Variants in ZMAT4 observed in about 807,000 individuals in gnomAD.
ZMAT4 encodes zinc finger matrin-type 4, also known as zinc finger matrin-type protein 4.
Under a neutral mutation model 28.7 loss-of-function variants are expected in ZMAT4, and 17 were observed. That is an observed-to-expected ratio of 0.59 (90% CI 0.41 to 0.89). The LOEUF is 0.89. Among genes scored for constraint, ZMAT4 ranks in the 40% least tolerant of loss-of-function variants. ZMAT4 has a pLI of 0.00. For missense variants in ZMAT4, 240 were observed against 283.8 expected (o/e 0.85, Z 1.11); for synonymous variants, 117 against 109.2 (o/e 1.07, Z -0.44).
chr8:40,588,927 A>T (rs897328015), intron 5 of ZMAT4, among the ~76,000 whole-genome samples: 4 of 152,204 alleles, frequency 2.6e-5, no homozygotes, highest in Non-Finnish European at 5.9e-5. Context: ...CACTCAAAGA[A>T]ATATTTACAT....
chr8:40,824,691 TAAAGAAAGAAAGA>T (rs904434959), intron 2 of ZMAT4, among the ~76,000 whole-genome samples: 1 of 61,380 alleles, frequency 1.6e-5, no homozygotes, highest in Non-Finnish European at 3.6e-5. Flanking sequence ...CAAAGAAAAA[TAAAGAAAGAAAGA>T]AAAGAAAGAA....
intron 2 of ZMAT4, among the ~76,000 whole-genome samples, chr8:40,801,351 A>AATATATATATATATATATATATATAT (rs1554559737): frequency 1.0e-5 from 1 of 97,260 alleles, no homozygotes; most frequent in African/African-American, 3.7e-5. Context: ...TAAAAAAAAA[A>AATATATATATATATATATATATATAT]ATATATATAT....
chr8:40,734,369 G>A lies in ZMAT4; in HGVS notation c.192+33272C>T, dbSNP rs146285225. Reference sequence around the variant, plus strand: ...TTTTAAGATGCAGTGTGTGAAATATGTAATGTATCATCGGCACCTGCGTGT... The same window carrying A: ...TTTTAAGATGCAGTGTGTGAAATATATAATGTATCATCGGCACCTGCGTGT... On this transcript the variant is annotated intron_variant, in intron 3 of 6. Coordinates refer to ENST00000297737, the MANE Select transcript of ZMAT4 (RefSeq NM_024645.3). Among the ~76,000 whole-genome samples, 83 of 152,302 alleles carry A rather than the reference G, an allele frequency of 5.4e-4. No individual in the cohort carries two copies. In the East Asian group the frequency reaches 0.016, roughly 29 times the overall value.
intron 4 of ZMAT4, among the ~76,000 whole-genome samples, chr8:40,686,267 C>T (rs1809402734): frequency 6.6e-6 from 1 of 151,968 alleles, no homozygotes. Flanking sequence ...GTAATCCCAG[C>T]ACTTTGGGAG....
Position 40,584,754 on chromosome 8 carries a change from C to T in ZMAT4, c.578-3493G>A, listed in dbSNP as rs1187471102. Among the ~76,000 whole-genome samples, 5 of 152,142 alleles carry T rather than the reference C, an allele frequency of 3.3e-5. No individual in the cohort carries two copies. In the East Asian group the frequency reaches 9.6e-4, roughly 29 times the overall value. On this transcript the variant is annotated intron_variant, in intron 5 of 6. Transcript: ENST00000297737. ...GTTCAAGCAATTCTCCTGCCTCAGC[C>T]TCCCAAGTAGCTGGGATTACAGGCA...
intron 2 of ZMAT4, among the ~76,000 whole-genome samples, chr8:40,816,278 AT>A (rs1815533679): frequency 6.6e-6 from 1 of 152,146 alleles, no homozygotes; most frequent in Non-Finnish European, 1.5e-5. Flanking sequence ...TACCAGTTGG[AT>A]TTTGATACTC....
chr8:40,675,051 G>A (rs1246531384), intron 4 of ZMAT4, 120 bp from the exon 5 acceptor site: 17 of 649,622 alleles, frequency 2.6e-5, no homozygotes, highest in Non-Finnish European at 4.0e-5. Context: ...ATCCCCAAGA[G>A]TTCATTGACA....
chr8:40,574,251 T>A (rs1226152711), intron 6 of ZMAT4, among the ~76,000 whole-genome samples: 2 of 152,104 alleles, frequency 1.3e-5, no homozygotes, highest in Non-Finnish European at 2.9e-5. Context: ...AGAAAGGGTA[T>A]ACTTTAAGGA....
intron 1 of ZMAT4, chr8:40,888,389 C>G (rs1382636216): frequency 6.6e-6 from 1 of 152,406 alleles, no homozygotes; most frequent in South Asian, 2.1e-4. Flanking sequence ...CCCCACCCAC[C>G]TCTGAGGCTT....
At chr8:40,726,323 C>T (rs1382119062) in intron 3 of ZMAT4, among the ~76,000 whole-genome samples, 1 of 152,196 alleles carries the variant, frequency 6.6e-6, no homozygotes, top group East Asian at 1.9e-4. Flanking sequence ...GCATCAAGAT[C>T]GTGGGCTTTT....
chr8:40,758,931 T>C (rs560181238), intron 3 of ZMAT4, among the ~76,000 whole-genome samples: 15 of 152,272 alleles, frequency 9.9e-5, no homozygotes, highest in African/African-American at 2.9e-4. Context: ...AAAAGAAACA[T>C]GCATAACGCT....
chr8:40,852,265 T>A (rs1281250665), intron 1 of ZMAT4, among the ~76,000 whole-genome samples: 1 of 152,206 alleles, frequency 6.6e-6, no homozygotes. Context: ...TATATTTCTA[T>A]GATATTAACT....
intron 5 of ZMAT4, among the ~76,000 whole-genome samples, chr8:40,652,155 A>G (rs889112880): frequency 1.7e-5 from 2 of 115,226 alleles, no homozygotes; most frequent in African/African-American, 2.8e-5. Flanking sequence ...AACCTACAAA[A>G]TGGGAGAAAA....
At chr8:40,592,081 T>A (rs550376882) in intron 5 of ZMAT4, among the ~76,000 whole-genome samples, 1 of 152,196 alleles carries the variant, frequency 6.6e-6, no homozygotes, top group South Asian at 2.1e-4. Flanking sequence ...AGATGAAGCA[T>A]GGCTGCTCTA....
At chr8:40,678,882 G>T (rs1045880545) in intron 4 of ZMAT4, among the ~76,000 whole-genome samples, 6 of 152,142 alleles carry the variant, frequency 3.9e-5, no homozygotes, top group African/African-American at 1.2e-4. Context: ...CATACATATT[G>T]CAATAGAATT....
intron 6 of ZMAT4, among the ~76,000 whole-genome samples, chr8:40,555,903 C>CGACT (rs1554520220): frequency 6.6e-6 from 1 of 152,130 alleles, no homozygotes; most frequent in Non-Finnish European, 1.5e-5. Flanking sequence ...ACCACTCAAC[C>CGACT]GACTGCCTTG....
At chr8:40,794,457 G>A (rs1329372596) in intron 2 of ZMAT4, among the ~76,000 whole-genome samples, 1 of 152,176 alleles carries the variant, frequency 6.6e-6, no homozygotes, top group Admixed American at 6.5e-5. Context: ...CCAGCCAGAT[G>A]ACTCCAGGCA....
chr8:40,661,394 C>T (rs1033121325), intron 5 of ZMAT4, among the ~76,000 whole-genome samples: 1 of 152,160 alleles, frequency 6.6e-6, no homozygotes, highest in Non-Finnish European at 1.5e-5. Context: ...GCCATCATGC[C>T]CAGCCGGTGT....
chr8:40,746,460 T>C, intron 3 of ZMAT4, among the ~76,000 whole-genome samples: 1 of 150,870 alleles, frequency 6.6e-6, no homozygotes, highest in Non-Finnish European at 1.5e-5. Context: ...GCCTCCTGGG[T>C]TCAAGCAATT....
Sources: gnomAD v4.1 joint callset for allele counts (sites outside exome capture counted in the v4.1 genomes callset) on GRCh38, gnomAD v4.1.1 for gene constraint, MANE v1.5 for transcripts, NCBI Gene and HGNC (gene_info 2026-07-23, HGNC 2026-07-21) for gene names.